The following ESM1 variants were observed in gnomAD, a reference collection of about 807,000 sequenced individuals.
ESM1 encodes the protein endothelial cell specific molecule 1.
In ESM1, 7 loss-of-function variants were observed where a neutral mutation model predicts 14.9. The observed-to-expected ratio is 0.47, with a 90% CI of 0.27 to 0.88. The LOEUF is 0.88. ESM1 is among the 40% of genes least tolerant of loss of function. ESM1 has a pLI of 0.14. For missense variants in ESM1, 192 were observed against 237.9 expected (o/e 0.81, Z 1.27); for synonymous variants, 89 against 89.4 (o/e 1.00, Z 0.02).
chr5:54,980,648 T>C (rs937425738), intron 2 of ESM1, among the ~76,000 whole-genome samples: 1 of 152,234 alleles, frequency 6.6e-6, no homozygotes, highest in Non-Finnish European at 1.5e-5. Context: ...TTTTTTCAAA[T>C]ATTTCTGATA....
intron 2 of ESM1, among the ~76,000 whole-genome samples, chr5:54,979,716 A>G (rs773897568): frequency 6.6e-6 from 1 of 152,136 alleles, no homozygotes; most frequent in Non-Finnish European, 1.5e-5. Context: ...CTAGAATTCC[A>G]GTTTCACAAA....
intron 1 of ESM1, 26 bp from the exon 2 acceptor site, chr5:54,982,172 G>A (rs944198418): frequency 1.2e-6 from 2 of 1,610,804 alleles, no homozygotes; most frequent in Non-Finnish European, 1.7e-6. Flanking sequence ...AGGTTGGAGA[G>A]GACGCTGCTT....
chr5:54,985,096 T>C (rs1740508304), intron 1 of ESM1, 121 bp downstream of exon 1: 1 of 864,062 alleles, frequency 1.2e-6, no homozygotes, highest in Non-Finnish European at 1.8e-6. Context: ...TGTGGTGCCT[T>C]GTCAAGAATC....
In ESM1 at chr5:54,985,463, C is replaced by T. The variant is rs758722634; in HGVS notation, c.55G>A (p.Ala19Thr). Reference protein sequence around the residue: ...TLLVPAHLVAAWSNNYAVDCP... With the variant: ...TLLVPAHLVATWSNNYAVDCP... ...TCCACCGCATAATTATTGCTCCAGG[C>T]GGCCACCAGGTGTGCAGGCACGAGG... is the stretch of plus-strand genomic sequence containing the variant. The change falls in exon 1 of 3, where the codon GCC becomes ACC. Residue 19 changes from alanine to threonine, a missense_variant. Transcript: ENST00000381405. 1 of 1,611,976 alleles carries T rather than the reference C, an allele frequency of 6.2e-7. No homozygotes were observed. The highest frequency in any genetic ancestry group is 2.2e-5 in the East Asian group (1 of 44,798).
chr5:54,983,771 T>G (rs1171461977), intron 1 of ESM1, among the ~76,000 whole-genome samples: 2 of 152,216 alleles, frequency 1.3e-5, no homozygotes, highest in African/African-American at 4.8e-5. Context: ...CTTGTTTCTT[T>G]GCCCATATGT....
chr5:54,979,115 T>A lies in ESM1; in HGVS notation c.*217A>T, dbSNP rs1358351007. On this transcript the variant is annotated 3_prime_UTR_variant, in exon 3 of 3. Transcript: ENST00000381405. Reference sequence around the variant, plus strand: ...TACACACACATTTAACAAATCTACATGCATTCGAATATTTAACAAACACAT... The same window carrying A: ...TACACACACATTTAACAAATCTACAAGCATTCGAATATTTAACAAACACAT... The A allele has an allele frequency of 2.0e-6, 1 of 501,956 alleles. No individual in the cohort carries two copies. The highest frequency in any genetic ancestry group is 3.6e-5 in the Admixed American group (1 of 27,468). 31.1% of individuals were successfully genotyped at this position (501,956 alleles called of 1,614,324 possible).
chr5:54,981,158 T>A (rs1034591363), intron 2 of ESM1, among the ~76,000 whole-genome samples: 10 of 152,182 alleles, frequency 6.6e-5, no homozygotes, highest in Non-Finnish European at 1.2e-4. Flanking sequence ...TTTTTTGTGA[T>A]GGGAACATTT....
Position 54,985,374 on chromosome 5 carries a change from G to A in ESM1, c.144C>T (p.Leu48=), listed in dbSNP as rs1230150271. 8 of 1,614,062 alleles carry A rather than the reference G, an allele frequency of 5.0e-6. No homozygotes were observed. The South Asian group carries it at 7.7e-5, about 16-fold the overall frequency. Reference sequence around the variant, plus strand: ...ACACTCGGCAGCAGCCACAGTCGTCGAGCACTGTCCTCTTGCAGCGCGGGC... The same window carrying A: ...ACACTCGGCAGCAGCCACAGTCGTCAAGCACTGTCCTCTTGCAGCGCGGGC... The part of the protein sequence containing the change: ...KSSPRCKRTV[L]DDCGCCRVCA... Residue 48 remains leucine, a synonymous_variant, in exon 1 of 3, where the codon CTC becomes CTT. Coordinates refer to ENST00000381405, the MANE Select transcript of ESM1 (RefSeq NM_007036.5).
chr5:54,983,956 A>T (rs924004597), intron 1 of ESM1, among the ~76,000 whole-genome samples: 2 of 152,216 alleles, frequency 1.3e-5, no homozygotes, highest in Admixed American at 6.5e-5. Flanking sequence ...AAATATACAG[A>T]TCCTATTCAG....
chr5:54,979,503 A>G, intron 2 of ESM1, 68 bp from the exon 3 acceptor site: 1 of 1,110,916 alleles, frequency 9.0e-7, no homozygotes, highest in Non-Finnish European at 1.4e-6. Flanking sequence ...GTTTTGCTTT[A>G]TTTTTGTTTT....
In ESM1 at chr5:54,979,219, T is replaced by C. The variant is rs2112245744; in HGVS notation, c.*113A>G. 1 of 752,852 alleles carries C rather than the reference T, an allele frequency of 1.3e-6. No homozygotes were observed. The highest frequency in any genetic ancestry group is 2.5e-5 in the East Asian group (1 of 40,556). 46.6% of individuals were successfully genotyped at this position (752,852 alleles called of 1,614,324 possible). On this transcript the variant is annotated 3_prime_UTR_variant, in exon 3 of 3. Coordinates refer to ENST00000381405, the MANE Select transcript of ESM1 (RefSeq NM_007036.5). ...TTCTGGATCCACCATGCATCACATT[T>C]GGTCTTCAAAAATTACATGTCCTTA...
intron 1 of ESM1, among the ~76,000 whole-genome samples, chr5:54,984,224 A>C (rs1259416957): frequency 6.6e-6 from 1 of 152,142 alleles, no homozygotes; most frequent in Non-Finnish European, 1.5e-5. Flanking sequence ...TAAATACATA[A>C]AACATAATAA....
intron 2 of ESM1, among the ~76,000 whole-genome samples, chr5:54,981,777 T>C (rs1744056135): frequency 6.6e-6 from 1 of 152,228 alleles, no homozygotes; most frequent in African/African-American, 2.4e-5. Flanking sequence ...CCAGGTAAAC[T>C]TTATGAGAAA....
chr5:54,984,840 C>G (rs773571283), intron 1 of ESM1, among the ~76,000 whole-genome samples: 117 of 152,184 alleles, frequency 7.7e-4, no homozygotes, highest in Non-Finnish European at 1.4e-3. Flanking sequence ...AAGAGGTTAT[C>G]TAGTGCAGAC....
At chr5:54,982,241 AC>A in intron 1 of ESM1, 95 bp from the exon 2 acceptor site, 2 of 1,156,010 alleles carry the variant, frequency 1.7e-6, no homozygotes, top group Non-Finnish European at 2.5e-6. Context: ...ATTTGAACCA[AC>A]CTCATGAACC....
At chr5:54,981,851 C>T in intron 2 of ESM1, 146 bp downstream of exon 2, 1 of 750,668 alleles carries the variant, frequency 1.3e-6, no homozygotes, top group Non-Finnish European at 2.1e-6. Context: ...CAACCAAACT[C>T]AGCTACCACC....
chr5:54,985,171 C>T, intron 1 of ESM1, 46 bp downstream of exon 1: 1 of 1,531,430 alleles, frequency 6.5e-7, no homozygotes, highest in Non-Finnish European at 8.8e-7. Context: ...TGGCTAAAAG[C>T]TCTCAGCATG....
At position 54,978,307 on chromosome 5, in the gene ESM1, G is replaced by T. The variant is rs112177062; in HGVS notation, c.*1025C>A. 6.6e-6 allele frequency: 1 copy of T among 151,852 alleles called. No individual in the cohort carries two copies. The highest frequency in any genetic ancestry group is 2.4e-5 in the African/African-American group (1 of 41,342). 9.4% of individuals were successfully genotyped at this position (151,852 alleles called of 1,614,324 possible). On this transcript the variant is annotated 3_prime_UTR_variant, in exon 3 of 3. Coordinates refer to ENST00000381405, the MANE Select transcript of ESM1 (RefSeq NM_007036.5). ...ACTTATGTTTAAATAAGGACCCTCT[G>T]TTGCTCATTTTTTGACATTTTTGAA...
At chr5:54,982,182 T>C in intron 1 of ESM1, 36 bp from the exon 2 acceptor site, 1 of 1,608,628 alleles carries the variant, frequency 6.2e-7, no homozygotes, top group Non-Finnish European at 8.5e-7. Flanking sequence ...GGACGCTGCT[T>C]GTTGTAAATA....
Sources: gnomAD v4.1 joint callset for allele counts (sites outside exome capture counted in the v4.1 genomes callset) on GRCh38, gnomAD v4.1.1 for gene constraint, MANE v1.5 for transcripts, NCBI Gene and HGNC (gene_info 2026-07-23, HGNC 2026-07-21) for gene names.